Variants in RANBP3L observed in about 807,000 individuals in gnomAD.
RANBP3L encodes the protein RAN binding protein 3 like, also known as ran-binding protein 3-like.
Under a neutral mutation model 67.2 loss-of-function variants are expected in RANBP3L, and 56 were observed. The observed-to-expected ratio is 0.83, with a 90% CI of 0.67 to 1.04. The LOEUF (loss-of-function observed/expected upper bound fraction) is 1.04. Ranked by LOEUF, RANBP3L falls within the 50% of genes least tolerant of loss-of-function variation. The pLI, the probability that RANBP3L is intolerant of heterozygous loss-of-function variation, is 0.00. For missense variants in RANBP3L, 496 were observed against 535.5 expected (o/e 0.93, Z 0.73); for synonymous variants, 164 against 181.4 (o/e 0.90, Z 0.77).
chr5:36,269,272 A>G, intron 4 of RANBP3L, 118 bp downstream of exon 4: 1 of 672,766 alleles, frequency 1.5e-6, no homozygotes, highest in Non-Finnish European at 2.7e-6. Flanking sequence ...GTAACAATAT[A>G]TTATAAACAC....
chr5:36,285,571 C>G (rs1366489029), intron 1 of RANBP3L, among the ~76,000 whole-genome samples: 1 of 152,136 alleles, frequency 6.6e-6, no homozygotes, highest in Non-Finnish European at 1.5e-5. Context: ...TAGAGAAGTG[C>G]TGCTTTTGGT....
At chr5:36,258,707 AC>A (rs1486128744) in intron 8 of RANBP3L, among the ~76,000 whole-genome samples, 1 of 152,110 alleles carries the variant, frequency 6.6e-6, no homozygotes, top group Non-Finnish European at 1.5e-5. Context: ...CTCAAACAAA[AC>A]CCGTAGTCCT....
chr5:36,255,520 C>T lies in RANBP3L; in HGVS notation c.974G>A (p.Arg325Lys), dbSNP rs147755255. Residue 325 changes from arginine (R) to lysine (K), a missense_variant, in exon 11 of 14, where the codon AGA becomes AAA. Transcript: ENST00000296604. ...GTCAGTGCTTGCTGTGTCATTCAGTCTCAACGTTCCTCTGCCCCTTTCAAT... is the reference window on the plus strand; with the variant it reads ...GTCAGTGCTTGCTGTGTCATTCAGTTTCAACGTTCCTCTGCCCCTTTCAAT... ...SWIERGRGTL[R>K]LNDTASTDCG... is the part of the protein sequence containing the mutation. 5.0e-5 allele frequency: 81 copies of T among 1,611,904 alleles called. No homozygotes were observed. In the African/African-American group the frequency reaches 8.4e-4, roughly 17 times the overall value.
rs1036233163 is a variant in RANBP3L, at chr5:36,294,435, C to T, written c.91+6891G>A. ...GCTCTGATTTTAGTTATTTCTTGCC[C>T]TCTGCTAGCTTTTGAATGTGTTTGC... On this transcript the variant is annotated intron_variant, in intron 1 of 13. Transcript: ENST00000296604. Among the ~76,000 whole-genome samples, 1,185 of 151,618 alleles carry T rather than the reference C, an allele frequency of 7.8e-3. 15 individuals carry two copies. The highest frequency in any genetic ancestry group is 0.027 in the African/African-American group (1,103 of 41,352).
intron 10 of RANBP3L, among the ~76,000 whole-genome samples, chr5:36,255,838 A>C (rs886775272): frequency 1.3e-5 from 2 of 152,008 alleles, no homozygotes; most frequent in Non-Finnish European, 1.5e-5. Flanking sequence ...CCATCTACCA[A>C]TTTCCACCCC....
chr5:36,301,503 C>A lies in RANBP3L; in HGVS notation c.-87G>T. ...CCTAAAGTGGCCTTCACCAGACACC[C>A]AGAAATACATAGATTCATGCAGATC... On this transcript the variant is annotated 5_prime_UTR_variant, in exon 1 of 14. Transcript: ENST00000296604. 3 of 879,520 alleles carry A rather than the reference C, an allele frequency of 3.4e-6. No individual in the cohort carries two copies. The East Asian group carries it at 7.3e-5, about 21-fold the overall frequency. The allele number at this position is 879,520 out of a possible 1,614,324, so 54.5% of individuals were successfully genotyped here.
chr5:36,272,875 T>C (rs1328112275), intron 1 of RANBP3L, among the ~76,000 whole-genome samples: 1 of 152,156 alleles, frequency 6.6e-6, no homozygotes, highest in Admixed American at 6.5e-5. Context: ...CCTCCTGACC[T>C]CGGTGATCCA....
chr5:36,300,157 C>T (rs1752516003), intron 1 of RANBP3L, among the ~76,000 whole-genome samples: 1 of 152,168 alleles, frequency 6.6e-6, no homozygotes, highest in Admixed American at 6.6e-5. Flanking sequence ...TGTTTACTAA[C>T]AGAGAAGCAA....
At chr5:36,254,860 G>C (rs1330423034) in intron 11 of RANBP3L, among the ~76,000 whole-genome samples, 3 of 151,936 alleles carry the variant, frequency 2.0e-5, no homozygotes, top group African/African-American at 7.3e-5. Context: ...TTGAATGCTA[G>C]CTCTCTTGTA....
chr5:36,254,878 G>A (rs1246550399), intron 11 of RANBP3L, among the ~76,000 whole-genome samples: 4 of 151,926 alleles, frequency 2.6e-5, no homozygotes, highest in African/African-American at 9.7e-5. Context: ...GTATTTTTAG[G>A]TTTGACTGGC....
In RANBP3L at chr5:36,301,814, C is replaced by T. The variant is rs1266634569; in HGVS notation, c.-398G>A. ...CAATGCCTCCAGTATTTAGAGAAGGCTGCTAAAATAATACAGACACAAAGA... is the reference window on the plus strand; with the variant it reads ...CAATGCCTCCAGTATTTAGAGAAGGTTGCTAAAATAATACAGACACAAAGA... On this transcript the variant is annotated 5_prime_UTR_variant, in exon 1 of 14. Coordinates refer to ENST00000296604, the MANE Select transcript of RANBP3L (RefSeq NM_145000.5). 1.2e-5 allele frequency: 2 copies of T among 163,724 alleles called. No homozygotes were observed. The highest frequency in any genetic ancestry group is 4.8e-5 in the African/African-American group (2 of 41,794). 10.1% of individuals were successfully genotyped at this position (163,724 alleles called of 1,614,324 possible).
chr5:36,273,203 C>A (rs1750344694), intron 1 of RANBP3L, among the ~76,000 whole-genome samples: 1 of 152,124 alleles, frequency 6.6e-6, no homozygotes, highest in Admixed American at 6.5e-5. Flanking sequence ...AAATGTGACT[C>A]TTCTAAACTG....
chr5:36,269,575 A>G (rs1750066897), intron 3 of RANBP3L, 108 bp from the exon 4 acceptor site: 1 of 706,818 alleles, frequency 1.4e-6, no homozygotes, highest in African/African-American at 1.8e-5. Context: ...ACAGACCATC[A>G]TTTGATAGCA....
chr5:36,286,945 AT>A (rs971652371), intron 1 of RANBP3L, among the ~76,000 whole-genome samples: 42 of 152,002 alleles, frequency 2.8e-4, no homozygotes, highest in Non-Finnish European at 4.0e-4. Flanking sequence ...TGCCTGCTTA[AT>A]TTTTTTTCCA....
In RANBP3L at chr5:36,261,965, C is replaced by T. The variant is rs760496307; in HGVS notation, c.558G>A (p.Gln186=). 6.3e-7 allele frequency: 1 copy of T among 1,594,258 alleles called. No individual in the cohort carries two copies. The highest frequency in any genetic ancestry group is 1.1e-5 in the South Asian group (1 of 89,736). The change falls in exon 7 of 14, where the codon CAG becomes CAA. Residue 186 remains glutamine, a synonymous_variant. Transcript: ENST00000296604. ...ARISVQLSTN[Q]DFLGATSVGC... ...CTACTGATGTTGCACCTAAAAAGTCCTGGTTAGTAGACAGCTGGACTGAAA... is the reference window on the plus strand; with the variant it reads ...CTACTGATGTTGCACCTAAAAAGTCTTGGTTAGTAGACAGCTGGACTGAAA...
chr5:36,280,350 A>G (rs1039165894), intron 1 of RANBP3L, among the ~76,000 whole-genome samples: 11 of 152,182 alleles, frequency 7.2e-5, no homozygotes, highest in Non-Finnish European at 1.5e-4. Context: ...GTGCTGCTTC[A>G]TTTATAATCC....
intron 1 of RANBP3L, among the ~76,000 whole-genome samples, chr5:36,292,449 G>T (rs1254532641): frequency 4.6e-5 from 7 of 152,016 alleles, no homozygotes; most frequent in African/African-American, 7.2e-5. Flanking sequence ...CATTGCTTTT[G>T]GTGTTTTAGA....
intron 1 of RANBP3L, among the ~76,000 whole-genome samples, chr5:36,293,975 G>T (rs1752000944): frequency 1.3e-5 from 2 of 151,958 alleles, no homozygotes; most frequent in South Asian, 4.2e-4. Context: ...CAGAAGGAAT[G>T]GTACCAGTTC....
At chr5:36,261,844 C>T (rs948612040) in intron 7 of RANBP3L, 95 bp downstream of exon 7, 14 of 549,682 alleles carry the variant, frequency 2.5e-5, no homozygotes, top group African/African-American at 5.8e-5. Flanking sequence ...GCAATTTATC[C>T]GTACAAGGTC....
Sources: allele counts gnomAD v4.1 joint callset (sites outside exome capture counted in the v4.1 genomes callset), GRCh38; gene constraint gnomAD v4.1.1; transcripts MANE v1.5; gene names NCBI Gene and HGNC (gene_info 2026-07-23, HGNC 2026-07-21).